The following GPC5 variants were observed in gnomAD, a reference collection of about 807,000 sequenced individuals.
GPC5 encodes glypican-5.
A neutral mutation model predicts 53.9 loss-of-function variants in GPC5; 47 were observed. The observed-to-expected ratio is 0.87, with a 90% CI of 0.69 to 1.11. The LOEUF (loss-of-function observed/expected upper bound fraction) is 1.11, where lower values mean the gene tolerates loss of function less well. Ranked by LOEUF, GPC5 falls within the 50% of genes most tolerant of loss-of-function variation. The pLI, the probability that GPC5 is intolerant of heterozygous loss-of-function variation, is 0.00. For missense variants in GPC5, 748 were observed against 713.1 expected (o/e 1.05, Z -0.56); for synonymous variants, 286 against 263.3 (o/e 1.09, Z -0.84).
chr13:92,005,211 C>A (rs1437752463), intron 6 of GPC5, among the ~76,000 whole-genome samples: 5 of 152,214 alleles, frequency 3.3e-5, no homozygotes, highest in African/African-American at 1.2e-4. Flanking sequence ...TTTTCCCTCC[C>A]TGGCTTACAG....
At chr13:91,460,953 T>G (rs1881892852) in intron 2 of GPC5, among the ~76,000 whole-genome samples, 1 of 152,176 alleles carries the variant, frequency 6.6e-6, no homozygotes, top group South Asian at 2.1e-4. Context: ...AAATTACCCA[T>G]GCATATCTTT....
chr13:92,056,865 T>G (rs1043980785), intron 6 of GPC5, among the ~76,000 whole-genome samples: 6 of 152,178 alleles, frequency 3.9e-5, no homozygotes, highest in Admixed American at 3.9e-4. Flanking sequence ...CCAACCCAGA[T>G]AAGGAGGAAA....
Position 92,860,478 on chromosome 13 carries a change from C to T in GPC5, c.1562-5804C>T, listed in dbSNP as rs192107520. ...TGACCCAACATACTGGATGCACCCA[C>T]CAATCATATTTACTAGGAGACATGA... On this transcript the variant is annotated intron_variant, in intron 7 of 7. Transcript: ENST00000377067. Among the ~76,000 whole-genome samples, 1,339 of 152,250 alleles carry T rather than the reference C, an allele frequency of 8.8e-3. 4 individuals are homozygous for T. The highest frequency in any genetic ancestry group is 0.013 in the Non-Finnish European group (889 of 68,018).
chr13:92,020,978 C>A (rs1324403209), intron 6 of GPC5, among the ~76,000 whole-genome samples: 1 of 152,066 alleles, frequency 6.6e-6, no homozygotes, highest in Non-Finnish European at 1.5e-5. Context: ...GTCTTTAATG[C>A]ATTTTGAGTT....
intron 6 of GPC5, among the ~76,000 whole-genome samples, chr13:91,981,825 G>GT (rs373115406): frequency 6.6e-5 from 10 of 152,186 alleles, no homozygotes; most frequent in African/African-American, 1.7e-4. Flanking sequence ...ATTATGGACT[G>GT]TTTTTTTATG....
chr13:92,810,281 G>A (rs1019233308), intron 7 of GPC5, among the ~76,000 whole-genome samples: 10 of 151,666 alleles, frequency 6.6e-5, no homozygotes, highest in African/African-American at 1.9e-4. Context: ...AATTAGTCCC[G>A]TATACATCTC....
chr13:91,741,480 A>G (rs920832729), intron 4 of GPC5, among the ~76,000 whole-genome samples: 1 of 152,216 alleles, frequency 6.6e-6, no homozygotes. Context: ...AGAAAAACAC[A>G]GGGAAGTGTT....
intron 1 of GPC5, among the ~76,000 whole-genome samples, chr13:91,439,727 C>T (rs900095902): frequency 1.3e-5 from 2 of 152,168 alleles, no homozygotes; most frequent in Non-Finnish European, 2.9e-5. Flanking sequence ...CCAAGTCTTA[C>T]TCAAGGCATT....
rs144863058 is a variant in GPC5, at chr13:91,666,722, C to T, written c.326-26465C>T. On this transcript the variant is annotated intron_variant, in intron 2 of 7. Coordinates refer to ENST00000377067, the MANE Select transcript of GPC5 (RefSeq NM_004466.6). Reference sequence around the variant, plus strand: ...ATTCTAAGCATTGTAGCATTTTATACCTATTATGCATAAAGTATATTTTTG... The same window carrying T: ...ATTCTAAGCATTGTAGCATTTTATATCTATTATGCATAAAGTATATTTTTG... 7.5e-4 allele frequency among the ~76,000 whole-genome samples: 114 copies of T among 152,016 alleles called. 1 individual carries two copies. Among genetic ancestry groups the T allele is most frequent in the African/African-American group, 2.6e-3 (108 of 41,486 alleles).
intron 6 of GPC5, among the ~76,000 whole-genome samples, chr13:92,035,166 G>A (rs1316068780): frequency 6.9e-6 from 1 of 145,268 alleles, no homozygotes; most frequent in Non-Finnish European, 1.5e-5. Context: ...AGTGAGCAGA[G>A]ATGGCGCCAC....
chr13:92,494,267 C>T lies in GPC5; in HGVS notation c.1561+349278C>T, dbSNP rs377268609. Among the ~76,000 whole-genome samples, 682 of 152,012 alleles carry T rather than the reference C, an allele frequency of 4.5e-3. 7 individuals carry two copies. Among genetic ancestry groups the T allele is most frequent in the African/African-American group, 0.015 (642 of 41,452 alleles). ...ACTACGCCCGGCTAATTTTTTGTAT[C>T]TTTAGTAGAGACGGGGTTTCACCGT... On this transcript the variant is annotated intron_variant, in intron 7 of 7. Transcript: ENST00000377067.
At chr13:91,852,008 A>G (rs2038919768) in intron 5 of GPC5, among the ~76,000 whole-genome samples, 1 of 151,232 alleles carries the variant, frequency 6.6e-6, no homozygotes, top group African/African-American at 2.4e-5. Flanking sequence ...TCCTTTGGGT[A>G]TATACCCAGT....
intron 7 of GPC5, among the ~76,000 whole-genome samples, chr13:92,226,663 G>A (rs190522770): frequency 2.0e-5 from 3 of 148,272 alleles, no homozygotes; most frequent in Admixed American, 1.4e-4. Flanking sequence ...TTCACTCACT[G>A]ATCTCGGTCA....
rs540320190 is a variant in GPC5, at chr13:91,459,110, C to T, written c.325+10188C>T. ...AAAAGACTACACTGGGTACAGTGCA[C>T]ACTGCTTGGGTGATGGGTGCACCAA... is the stretch of plus-strand genomic sequence containing the variant. On this transcript the variant is annotated intron_variant, in intron 2 of 7. Transcript: ENST00000377067. 2.6e-5 allele frequency among the ~76,000 whole-genome samples: 4 copies of T among 151,980 alleles called. No homozygotes were observed. In the South Asian group the frequency reaches 8.3e-4, roughly 32 times the overall value.
chr13:92,670,991 C>T (rs2139205200), intron 7 of GPC5, among the ~76,000 whole-genome samples: 1 of 152,216 alleles, frequency 6.6e-6, no homozygotes, highest in East Asian at 1.9e-4. Flanking sequence ...TAGTAAATCT[C>T]AGAAAAAGAT....
intron 2 of GPC5, among the ~76,000 whole-genome samples, chr13:91,493,802 G>A (rs1365709917): frequency 2.0e-5 from 3 of 152,022 alleles, no homozygotes; most frequent in Non-Finnish European, 4.4e-5. Flanking sequence ...GAGAATAAAA[G>A]CAAATAGAGG....
chr13:92,483,529 G>T (rs1172776466), intron 7 of GPC5, among the ~76,000 whole-genome samples: 1 of 152,204 alleles, frequency 6.6e-6, no homozygotes, highest in Non-Finnish European at 1.5e-5. Flanking sequence ...GAGTCAGTGA[G>T]TGGTGAGTGA....
chr13:91,511,001 G>C (rs1294603239), intron 2 of GPC5, among the ~76,000 whole-genome samples: 1 of 151,776 alleles, frequency 6.6e-6, no homozygotes, highest in African/African-American at 2.4e-5. Context: ...ACATGGAAAG[G>C]TTTTGCCACC....
intron 7 of GPC5, among the ~76,000 whole-genome samples, chr13:92,736,948 CTT>C (rs1888952488): frequency 6.6e-6 from 1 of 151,894 alleles, no homozygotes. Context: ...TCAGTTGTCT[CTT>C]GTTAAGCTAC....
Sources: allele counts gnomAD v4.1 joint callset (sites outside exome capture counted in the v4.1 genomes callset), GRCh38; gene constraint gnomAD v4.1.1; transcripts MANE v1.5; gene names NCBI Gene and HGNC (gene_info 2026-07-23, HGNC 2026-07-21).